Variants in SLC8A1 observed in about 807,000 individuals in gnomAD.
The protein encoded by SLC8A1 is sodium/calcium exchanger 1.
In SLC8A1, 18 loss-of-function variants were observed where a neutral mutation model predicts 68.3. The ratio of observed to expected loss-of-function variants is 0.26; its 90% CI spans 0.18 to 0.39. The LOEUF (loss-of-function observed/expected upper bound fraction) is 0.39, where lower values mean the gene tolerates loss of function less well. SLC8A1 is among the 10% of genes least tolerant of loss of function. The pLI is 1.00. For missense variants in SLC8A1, 985 were observed against 1,156.7 expected, an observed-to-expected ratio of 0.85 and a Z score of 2.15; for synonymous variants, 475 against 415.5, an observed-to-expected ratio of 1.14 and a Z score of -1.74.
At chr2:40,371,866 C>A (rs1045672092) in intron 2 of SLC8A1, among the ~76,000 whole-genome samples, 1 of 152,064 alleles carries the variant, frequency 6.6e-6, no homozygotes, top group Admixed American at 6.6e-5. Context: ...CCAGACAATA[C>A]GGTTTTACAA....
chr2:40,163,129 A>T (rs1277664149), intron 5 of SLC8A1, among the ~76,000 whole-genome samples: 2 of 152,184 alleles, frequency 1.3e-5, no homozygotes, highest in Non-Finnish European at 2.9e-5. Context: ...TAAGTACCCC[A>T]AACAACTGGT....
At chr2:40,346,210 T>G (rs10490049) in intron 2 of SLC8A1, among the ~76,000 whole-genome samples, 8,341 of 152,128 alleles carry the variant, frequency 0.055, 516 homozygotes, top group East Asian at 0.32. Flanking sequence ...TAGGGTTGAT[T>G]TCTTTTATTG....
At chr2:40,213,524 G>C (rs1428475236) in intron 2 of SLC8A1, 3 of 152,210 alleles carry the variant, frequency 2.0e-5, no homozygotes, top group African/African-American at 4.8e-5. Context: ...ATGAATAACC[G>C]AAAGGGGCAC....
At chr2:40,149,273 C>T (rs946215026) in intron 6 of SLC8A1, among the ~76,000 whole-genome samples, 8 of 152,290 alleles carry the variant, frequency 5.3e-5, no homozygotes, top group Admixed American at 4.6e-4. Context: ...ATGTATCAGG[C>T]ACAGTTCTAG....
chr2:40,199,461 C>A (rs930063934), intron 2 of SLC8A1, among the ~76,000 whole-genome samples: 2 of 151,522 alleles, frequency 1.3e-5, no homozygotes, highest in African/African-American at 4.8e-5. Context: ...TACTGTACTG[C>A]AGGTGATCAA....
chr2:40,313,002 A>G (rs550851994), intron 2 of SLC8A1, among the ~76,000 whole-genome samples: 2 of 152,214 alleles, frequency 1.3e-5, no homozygotes, highest in East Asian at 3.9e-4. Flanking sequence ...TATGCTGCAT[A>G]TACTACGTAT....
intron 6 of SLC8A1, among the ~76,000 whole-genome samples, chr2:40,158,022 G>T (rs186038084): frequency 1.0e-3 from 155 of 152,274 alleles, no homozygotes; most frequent in African/African-American, 3.5e-3. Context: ...TACAGTTACT[G>T]AGAAAGAAAA....
intron 1 of SLC8A1, among the ~76,000 whole-genome samples, chr2:40,461,486 A>G (rs937601689): frequency 1.3e-5 from 2 of 152,160 alleles, no homozygotes; most frequent in African/African-American, 4.8e-5. Context: ...TATGACATAG[A>G]ACTGACTTGC....
At chr2:40,260,478 C>G (rs953283830) in intron 2 of SLC8A1, among the ~76,000 whole-genome samples, 1 of 152,124 alleles carries the variant, frequency 6.6e-6, no homozygotes, top group Admixed American at 6.5e-5. Flanking sequence ...AGAAACAAAA[C>G]TTTAACAGTA....
chr2:40,112,680 G>GGGAA (rs1335702206), exon 8 of SLC8A1: 1 of 151,564 alleles, frequency 6.6e-6, no homozygotes, highest in Non-Finnish European at 1.5e-5. Flanking sequence ...AAATAAGGAT[G>GGGAA]GGAAGGATGG....
At chr2:40,450,283 G>C (rs1466969199) in intron 1 of SLC8A1, among the ~76,000 whole-genome samples, 1 of 152,066 alleles carries the variant, frequency 6.6e-6, no homozygotes. Flanking sequence ...GAAACATCTA[G>C]ATTCATTTTC....
chr2:40,128,820 A>C (rs1360990660), intron 7 of SLC8A1, among the ~76,000 whole-genome samples: 1 of 152,276 alleles, frequency 6.6e-6, no homozygotes, highest in Non-Finnish European at 1.5e-5. Context: ...TGTGATGAAT[A>C]AAACAAAATA....
chr2:40,374,099 C>T lies in SLC8A1; in HGVS notation c.1808+54374G>A, dbSNP rs534125508. Among the ~76,000 whole-genome samples the T allele has an allele frequency of 1.3e-4, 20 of 152,178 alleles. No homozygotes were observed. The East Asian group carries it at 1.6e-3, about 12-fold the overall frequency. On this transcript the variant is annotated intron_variant, in intron 2 of 7. Transcript: ENST00000406785. ...CACACAAATCCACTGAGGATTAAAA[C>T]CACACAACCAGGAAAAAATGTTAAG...
chr2:40,404,136 T>C (rs1162747052), intron 2 of SLC8A1, among the ~76,000 whole-genome samples: 2 of 152,156 alleles, frequency 1.3e-5, no homozygotes, highest in African/African-American at 2.4e-5. Context: ...GCTCAAGTGA[T>C]CCTCTACCTC....
chr2:40,377,021 A>G (rs1047492478), intron 2 of SLC8A1, among the ~76,000 whole-genome samples: 3 of 152,104 alleles, frequency 2.0e-5, no homozygotes, highest in African/African-American at 7.2e-5. Flanking sequence ...GAATATGGCA[A>G]AGGTGAGGGG....
In SLC8A1 at chr2:40,307,025, GTCT is replaced by G. The variant is rs566706831; in HGVS notation, c.1808+121445_1808+121447del. Among the ~76,000 whole-genome samples the G allele has an allele frequency of 6.6e-5, 10 of 152,088 alleles. No homozygotes were observed. The East Asian group carries it at 1.9e-3, about 29-fold the overall frequency. ...TATATCCAAAATATTCACAAGAAAG[GTCT>G]TCAAGAAATATTTGCTCATCCATGT... On this transcript the variant is annotated intron_variant, in intron 2 of 7. Coordinates refer to ENST00000406785, the Ensembl canonical transcript of SLC8A1.
chr2:40,435,016 T>C (rs537425451), intron 1 of SLC8A1, among the ~76,000 whole-genome samples: 1 of 152,214 alleles, frequency 6.6e-6, no homozygotes, highest in South Asian at 2.1e-4. Context: ...CTATAGCCAG[T>C]TTTGACTACC....
intron 2 of SLC8A1, among the ~76,000 whole-genome samples, chr2:40,375,308 G>T (rs12474472): frequency 0.55 from 83,127 of 151,502 alleles, 23,545 homozygotes; most frequent in African/African-American, 0.67. Context: ...CAAAATATTG[G>T]TAATATTTAT....
intron 2 of SLC8A1, among the ~76,000 whole-genome samples, chr2:40,337,502 A>G (rs1341870613): frequency 1.3e-5 from 2 of 152,192 alleles, no homozygotes; most frequent in Non-Finnish European, 2.9e-5. Context: ...ACTCACCTCC[A>G]TAGCGCACTC....
Sources: allele counts gnomAD v4.1 joint callset (sites outside exome capture counted in the v4.1 genomes callset), GRCh38; gene constraint gnomAD v4.1.1; transcripts MANE v1.5; gene names NCBI Gene and HGNC (gene_info 2026-07-23, HGNC 2026-07-21).